The following SRRM4 variants were observed in gnomAD, a reference collection of about 807,000 sequenced individuals.
SRRM4 encodes serine/arginine repetitive matrix protein 4.
In SRRM4, 33 loss-of-function variants were observed where a neutral mutation model predicts 68.9. The observed-to-expected ratio is 0.48, with a 90% CI of 0.36 to 0.64. SRRM4 has a LOEUF of 0.64. Among genes scored for constraint, SRRM4 ranks in the 30% least tolerant of loss-of-function variants. The probability of loss-of-function intolerance (pLI) is 0.00; values close to 1 mark genes in which losing one functional copy is unlikely to be tolerated. For synonymous variants in SRRM4, 318 were observed against 318.8 expected (o/e 1.00, Z 0.03); for missense variants, 817 against 827.1 (o/e 0.99, Z 0.15).
intron 1 of SRRM4, among the ~76,000 whole-genome samples, chr12:119,039,794 T>C (rs1449518015): frequency 6.6e-6 from 1 of 152,154 alleles, no homozygotes. Flanking sequence ...ACATTTGCCT[T>C]TGATACCTGG....
rs1298277530 is a variant in SRRM4, at chr12:119,158,581, A to C, written c.*1783A>C. ...TCTGGCCCAGACCTAAGCCCTGCCCACAAAGACTAATGGATGCCAGTGCTG... is the reference window on the plus strand; with the variant it reads ...TCTGGCCCAGACCTAAGCCCTGCCCCCAAAGACTAATGGATGCCAGTGCTG... On this transcript the variant is annotated 3_prime_UTR_variant, in exon 13 of 13. Transcript: ENST00000267260. 1 of 152,354 alleles carries C rather than the reference A, an allele frequency of 6.6e-6. No individual in the cohort carries two copies. The highest frequency in any genetic ancestry group is 1.5e-5 in the Non-Finnish European group (1 of 68,120). The allele number at this position is 152,354 out of a possible 1,614,324, so 9.4% of individuals were successfully genotyped here.
At chr12:119,124,773 A>G (rs1954246373) in intron 6 of SRRM4, among the ~76,000 whole-genome samples, 1 of 152,168 alleles carries the variant, frequency 6.6e-6, no homozygotes, top group Non-Finnish European at 1.5e-5. Flanking sequence ...GTAAATTGGC[A>G]GCCCAAAGGC....
chr12:119,062,652 A>T (rs544534124), intron 1 of SRRM4, among the ~76,000 whole-genome samples: 2 of 152,354 alleles, frequency 1.3e-5, no homozygotes, highest in Admixed American at 6.5e-5. Flanking sequence ...TGTCTTAAAA[A>T]CTAAGACACA....
chr12:119,030,486 C>T (rs1953581671), intron 1 of SRRM4, among the ~76,000 whole-genome samples: 1 of 65,518 alleles, frequency 1.5e-5, no homozygotes, highest in Non-Finnish European at 3.0e-5. Context: ...ATTAATTAAT[C>T]TTGCTTTTTG....
chr12:119,022,460 A>C (rs969102916), intron 1 of SRRM4, among the ~76,000 whole-genome samples: 2 of 152,204 alleles, frequency 1.3e-5, no homozygotes, highest in Non-Finnish European at 2.9e-5. Context: ...TCCACAAATC[A>C]GCACAAATAA....
chr12:119,117,803 T>C lies in SRRM4; in HGVS notation c.437+795T>C, dbSNP rs933233383. On this transcript the variant is annotated intron_variant, in intron 4 of 12. Transcript: ENST00000267260. ...GGCACGTGCCTGTAATCCCAGCTATTTGGGACGCTGAGGCAGAAGAATCAC... is the reference window on the plus strand; with the variant it reads ...GGCACGTGCCTGTAATCCCAGCTATCTGGGACGCTGAGGCAGAAGAATCAC... Among the ~76,000 whole-genome samples the C allele has an allele frequency of 3.3e-5, 5 of 152,074 alleles. 1 individual carries two copies. Among genetic ancestry groups the C allele is most frequent in the East Asian group, 1.9e-4 (1 of 5,164 alleles).
chr12:119,062,655 A>G (rs963769327), intron 1 of SRRM4, among the ~76,000 whole-genome samples: 2 of 152,212 alleles, frequency 1.3e-5, no homozygotes, highest in African/African-American at 4.8e-5. Flanking sequence ...CTTAAAAACT[A>G]AGACACAAAC....
At chr12:119,127,493 C>T (rs1457626556) in intron 7 of SRRM4, among the ~76,000 whole-genome samples, 1 of 151,922 alleles carries the variant, frequency 6.6e-6, no homozygotes, top group Non-Finnish European at 1.5e-5. Flanking sequence ...TTTGGGGGGC[C>T]GAGGTGGGCA....
intron 1 of SRRM4, among the ~76,000 whole-genome samples, chr12:118,990,473 C>T (rs1238316034): frequency 1.3e-5 from 2 of 152,200 alleles, no homozygotes; most frequent in African/African-American, 4.8e-5. Context: ...CCCATGATCA[C>T]ACGGTGTGTA....
chr12:119,043,272 A>G (rs1953681566), intron 1 of SRRM4, among the ~76,000 whole-genome samples: 1 of 152,182 alleles, frequency 6.6e-6, no homozygotes, highest in South Asian at 2.1e-4. Flanking sequence ...CATTATCCTC[A>G]GCAAACTCAC....
intron 1 of SRRM4, among the ~76,000 whole-genome samples, chr12:119,016,522 C>G (rs1594028223): frequency 6.6e-6 from 1 of 151,702 alleles, no homozygotes; most frequent in East Asian, 1.9e-4. Flanking sequence ...AATTTCTAAT[C>G]AAGAATTATG....
chr12:119,095,985 G>A (rs2136039223), intron 1 of SRRM4, among the ~76,000 whole-genome samples: 1 of 144,168 alleles, frequency 6.9e-6, no homozygotes, highest in East Asian at 2.1e-4. Context: ...AAAAGAAAAT[G>A]TTTTCCAGAG....
intron 2 of SRRM4, among the ~76,000 whole-genome samples, chr12:119,110,804 C>T (rs1340938209): frequency 1.3e-5 from 2 of 152,166 alleles, no homozygotes; most frequent in Non-Finnish European, 2.9e-5. Flanking sequence ...CCTGCTTTGG[C>T]TCATGCTCCG....
At chr12:119,125,237 A>C in intron 6 of SRRM4, 144 bp from the exon 7 acceptor site, 1 of 687,240 alleles carries the variant, frequency 1.5e-6, no homozygotes, top group Non-Finnish European at 2.5e-6. Context: ...GGACTAACGC[A>C]TGGGGTTGAG....
At chr12:119,056,550 T>A (rs970426176) in intron 1 of SRRM4, among the ~76,000 whole-genome samples, 2 of 152,182 alleles carry the variant, frequency 1.3e-5, no homozygotes, top group East Asian at 3.9e-4. Context: ...ACCTCTCTGA[T>A]CTTATCTTCT....
chr12:119,117,213 G>A (rs1452066459), intron 4 of SRRM4, among the ~76,000 whole-genome samples: 3 of 152,164 alleles, frequency 2.0e-5, no homozygotes, highest in East Asian at 1.9e-4. Flanking sequence ...GCCAGAGGAG[G>A]ACTTGATTAT....
intron 2 of SRRM4, among the ~76,000 whole-genome samples, chr12:119,112,475 T>G (rs1016669196): frequency 6.6e-6 from 1 of 152,210 alleles, no homozygotes; most frequent in African/African-American, 2.4e-5. Context: ...ATATATGTCA[T>G]TCTATTATAA....
intron 8 of SRRM4, among the ~76,000 whole-genome samples, chr12:119,134,218 TTCTTAATGGAAA>T (rs1414393942): frequency 7.2e-5 from 11 of 151,894 alleles, no homozygotes; most frequent in African/African-American, 2.2e-4. Context: ...TGGGGGTTGG[TTCTTAATGGAAA>T]TCTTAGTTGG....
chr12:119,060,221 G>A lies in SRRM4; in HGVS notation c.132-42015G>A, dbSNP rs1038493055. Among the ~76,000 whole-genome samples the A allele has an allele frequency of 2.0e-5, 3 of 151,858 alleles. No homozygotes were observed. The South Asian group carries it at 6.4e-4, about 32-fold the overall frequency. The stretch of plus-strand genomic sequence containing the variant: ...AGAAAACAATTACCTGAAAATACCT[G>A]CATATTAATATACGATGCACAAACT... On this transcript the variant is annotated intron_variant, in intron 1 of 12. Transcript: ENST00000267260.
Sources: gnomAD v4.1 joint callset for allele counts (sites outside exome capture counted in the v4.1 genomes callset) on GRCh38, gnomAD v4.1.1 for gene constraint, MANE v1.5 for transcripts, NCBI Gene and HGNC (gene_info 2026-07-23, HGNC 2026-07-21) for gene names.